GRIP1: variants seen among roughly 807,000 people sequenced by gnomAD.
GRIP1 encodes the protein glutamate receptor-interacting protein 1.
A neutral mutation model predicts 129.9 loss-of-function variants in GRIP1; 45 were observed. The ratio of observed to expected loss-of-function variants is 0.35; its 90% CI spans 0.27 to 0.44. GRIP1 has a LOEUF of 0.44. Ranked by LOEUF, GRIP1 falls within the 20% of genes least tolerant of loss-of-function variation. The pLI, the probability that GRIP1 is intolerant of heterozygous loss-of-function variation, is 1.00. For synonymous variants in GRIP1, 530 were observed against 520.8 expected (o/e 1.02, Z -0.24); for missense variants, 1,196 against 1,396.8 (o/e 0.86, Z 2.29).
intron 1 of GRIP1, among the ~76,000 whole-genome samples, chr12:66,738,305 C>T (rs2036674563): frequency 6.6e-6 from 1 of 151,644 alleles, no homozygotes; most frequent in Admixed American, 6.6e-5. Context: ...CTGCAAGCTC[C>T]GCCTCTCGGG....
intron 1 of GRIP1, among the ~76,000 whole-genome samples, chr12:66,962,721 AT>A (rs1257684316): frequency 6.6e-6 from 1 of 152,162 alleles, no homozygotes; most frequent in East Asian, 1.9e-4. Context: ...AAAGAGTAAG[AT>A]CCTGATTAAA....
intron 1 of GRIP1, among the ~76,000 whole-genome samples, chr12:66,649,757 C>T (rs994250038): frequency 1.3e-5 from 2 of 152,010 alleles, no homozygotes; most frequent in Non-Finnish European, 2.9e-5. Context: ...TTCGGATACA[C>T]GGAAATGAGG....
intron 1 of GRIP1, among the ~76,000 whole-genome samples, chr12:66,636,577 C>T (rs981121560): frequency 6.6e-6 from 1 of 152,160 alleles, no homozygotes. Flanking sequence ...CCTCCCCCTA[C>T]CTTGACCATT....
chr12:66,384,308 T>C (rs1411354529), intron 19 of GRIP1, among the ~76,000 whole-genome samples: 1 of 152,258 alleles, frequency 6.6e-6, no homozygotes, highest in Non-Finnish European at 1.5e-5. Context: ...GCTGATATTT[T>C]AATCCATAGC....
intron 19 of GRIP1, among the ~76,000 whole-genome samples, chr12:66,388,539 G>C (rs902983146): frequency 6.6e-6 from 1 of 152,168 alleles, no homozygotes; most frequent in Non-Finnish European, 1.5e-5. Flanking sequence ...CTCAGAGTTA[G>C]AAGGAAGAAT....
At chr12:66,882,782 A>G (rs1418312172) in intron 1 of GRIP1, among the ~76,000 whole-genome samples, 1 of 152,142 alleles carries the variant, frequency 6.6e-6, no homozygotes. Flanking sequence ...CACCTTCCCC[A>G]TGGTCTCCTT....
intron 1 of GRIP1, among the ~76,000 whole-genome samples, chr12:66,733,631 C>T (rs998041773): frequency 1.3e-5 from 2 of 152,026 alleles, no homozygotes; most frequent in African/African-American, 4.8e-5. Context: ...ACGTGGGCCA[C>T]CAACCTGTAA....
intron 1 of GRIP1, among the ~76,000 whole-genome samples, chr12:67,011,875 C>A (rs1251976187): frequency 3.3e-5 from 5 of 152,200 alleles, no homozygotes; most frequent in African/African-American, 1.2e-4. Flanking sequence ...CTACTCAACT[C>A]TGCTGTTGTA....
At chr12:66,834,417 T>G (rs117780255) in intron 1 of GRIP1, among the ~76,000 whole-genome samples, 3,454 of 152,200 alleles carry the variant, frequency 0.023, 82 homozygotes, top group Middle Eastern at 0.058. Context: ...AGTATGTGCA[T>G]GAGAAAACAG....
upstream of GRIP1, among the ~76,000 whole-genome samples, chr12:66,808,454 T>G (rs2039039997): frequency 2.0e-5 from 3 of 152,156 alleles, no homozygotes; most frequent in South Asian, 6.2e-4. Context: ...CCTGCCACCA[T>G]GTCCAGCTAC....
intron 1 of GRIP1, among the ~76,000 whole-genome samples, chr12:67,063,399 A>T (rs545032167): frequency 1.3e-5 from 2 of 152,336 alleles, no homozygotes; most frequent in East Asian, 3.9e-4. Context: ...CATAAAGCTG[A>T]TAGCACCCTT....
At chr12:66,510,273 T>C (rs978026170) in intron 7 of GRIP1, among the ~76,000 whole-genome samples, 1 of 152,130 alleles carries the variant, frequency 6.6e-6, no homozygotes, top group African/African-American at 2.4e-5. Context: ...CATCAGTGCA[T>C]TGGCCTCCTC....
intron 1 of GRIP1, among the ~76,000 whole-genome samples, chr12:67,010,690 T>C (rs558425768): frequency 3.9e-5 from 6 of 152,244 alleles, no homozygotes; most frequent in Non-Finnish European, 4.4e-5. Flanking sequence ...CACTTCCTCA[T>C]TGTAGCTAAC....
intron 2 of GRIP1, among the ~76,000 whole-genome samples, chr12:66,552,171 G>A (rs1248955289): frequency 6.6e-6 from 1 of 152,134 alleles, no homozygotes; most frequent in Admixed American, 6.5e-5. Flanking sequence ...AAGAGGACAA[G>A]GCTTGAGGTT....
chr12:66,898,121 T>A (rs983108863), intron 1 of GRIP1, among the ~76,000 whole-genome samples: 2 of 152,190 alleles, frequency 1.3e-5, no homozygotes, highest in African/African-American at 4.8e-5. Flanking sequence ...GTGGAGGAAT[T>A]TTTAAGATCC....
intron 2 of GRIP1, among the ~76,000 whole-genome samples, chr12:66,579,024 T>A (rs2063260595): frequency 6.6e-6 from 1 of 152,172 alleles, no homozygotes; most frequent in South Asian, 2.1e-4. Flanking sequence ...AGGGGCAGAC[T>A]GACACCTAAC....
At chr12:66,396,590 G>A (rs1353833659) in intron 16 of GRIP1, among the ~76,000 whole-genome samples, 1 of 152,074 alleles carries the variant, frequency 6.6e-6, no homozygotes, top group African/African-American at 2.4e-5. Flanking sequence ...TTTTTTATTG[G>A]CATCTGAGTC....
At chr12:66,404,849 T>C (rs1210089340) in intron 16 of GRIP1, among the ~76,000 whole-genome samples, 1 of 152,068 alleles carries the variant, frequency 6.6e-6, no homozygotes, top group Non-Finnish European at 1.5e-5. Context: ...CTGGCCAACA[T>C]GGCAAAACTC....
At chr12:66,845,228 G>C (rs1192965017) in intron 1 of GRIP1, among the ~76,000 whole-genome samples, 1 of 151,834 alleles carries the variant, frequency 6.6e-6, no homozygotes. Flanking sequence ...AGGTCAAGGC[G>C]GGTGGACCAC....
Sources: gnomAD v4.1 joint callset for allele counts (sites outside exome capture counted in the v4.1 genomes callset) on GRCh38, gnomAD v4.1.1 for gene constraint, MANE v1.5 for transcripts, NCBI Gene and HGNC (gene_info 2026-07-23, HGNC 2026-07-21) for gene names.